Variants in GPHN observed in about 807,000 individuals in gnomAD.
GPHN encodes gephyrin.
GPHN carries 17 observed loss-of-function variants against 95.5 expected under a neutral mutation model. The ratio of observed to expected loss-of-function variants is 0.18; its 90% CI spans 0.12 to 0.27. GPHN has a LOEUF of 0.27. GPHN is among the 10% of genes least tolerant of loss of function. The pLI is 1.00. For missense variants in GPHN, 660 were observed against 978.1 expected, an observed-to-expected ratio of 0.67 and a Z score of 4.34; for synonymous variants, 320 against 322.5, an observed-to-expected ratio of 0.99 and a Z score of 0.08.
chr14:67,338,036 A>G, the GPHN span: 1 of 152,302 alleles, frequency 6.6e-6, no homozygotes, highest in Non-Finnish European at 1.5e-5. Context: ...GCATGAGAAC[A>G]TGACTTAACA....
chr14:67,158,620 G>A (rs1263753835), intron 18 of GPHN, among the ~76,000 whole-genome samples: 1 of 152,126 alleles, frequency 6.6e-6, no homozygotes, highest in East Asian at 1.9e-4. Context: ...TTTAGTAATA[G>A]ACCTAGGTTT....
At chr14:67,313,792 T>C in the GPHN span, among the ~76,000 whole-genome samples, 6 of 152,146 alleles carry the variant, frequency 3.9e-5, no homozygotes, top group African/African-American at 1.4e-4. Flanking sequence ...TTTTCTTCTG[T>C]GTCCCCTACT....
chr14:66,676,672 A>ATTTTTTTTTTTTTTTTTTTTTT (rs56906168), intron 1 of GPHN, among the ~76,000 whole-genome samples: 1 of 126,080 alleles, frequency 7.9e-6, no homozygotes, highest in Non-Finnish European at 1.7e-5. Context: ...ATCGTAGTGT[A>ATTTTTTTTTTTTTTTTTTTTTT]TTTTTTTTTT....
intron 8 of GPHN, among the ~76,000 whole-genome samples, chr14:66,932,937 T>C (rs528533538): frequency 1.3e-5 from 2 of 152,300 alleles, no homozygotes; most frequent in Admixed American, 1.3e-4. Flanking sequence ...AGTTAATTAT[T>C]AGGGTTTAAT....
chr14:67,178,713 G>C (rs1327876624), intron 21 of GPHN, among the ~76,000 whole-genome samples: 1 of 152,264 alleles, frequency 6.6e-6, no homozygotes, highest in East Asian at 1.9e-4. Flanking sequence ...GAGAGATATA[G>C]ACATCCAGAT....
chr14:66,736,409 T>G (rs947260833), intron 2 of GPHN, among the ~76,000 whole-genome samples: 2 of 151,038 alleles, frequency 1.3e-5, no homozygotes, highest in Non-Finnish European at 3.0e-5. Context: ...TTTCTTTTTT[T>G]TTTTTTGAGA....
At chr14:67,645,979 C>T in the GPHN span, among the ~76,000 whole-genome samples, 1 of 152,160 alleles carries the variant, frequency 6.6e-6, no homozygotes, top group Non-Finnish European at 1.5e-5. Flanking sequence ...AAAGACTAGA[C>T]ATAGTCTCTG....
chr14:67,651,182 G>C, the GPHN span: 1 of 1,029,924 alleles, frequency 9.7e-7, no homozygotes, highest in African/African-American at 1.6e-5. Context: ...TTATTACCTT[G>C]GTATATCATA....
chr14:66,608,671 T>G (rs1419929215), intron 1 of GPHN, among the ~76,000 whole-genome samples: 1 of 152,134 alleles, frequency 6.6e-6, no homozygotes, highest in Non-Finnish European at 1.5e-5. Flanking sequence ...GATGCTCCAA[T>G]GTTGGGTGTG....
chr14:67,651,997 T>C, the GPHN span, among the ~76,000 whole-genome samples: 3 of 152,258 alleles, frequency 2.0e-5, no homozygotes, highest in African/African-American at 7.2e-5. Context: ...ATCCAACCTC[T>C]GGTTCTCATG....
intron 1 of GPHN, among the ~76,000 whole-genome samples, chr14:66,680,212 G>T (rs571835746): frequency 7.2e-5 from 11 of 152,278 alleles, no homozygotes; most frequent in African/African-American, 2.6e-4. Context: ...CTGTAAAATT[G>T]TTGGAGATTT....
At chr14:66,835,049 G>A (rs868741336) in intron 4 of GPHN, among the ~76,000 whole-genome samples, 1 of 150,804 alleles carries the variant, frequency 6.6e-6, no homozygotes, top group East Asian at 1.9e-4. Flanking sequence ...GCGTAGAGGT[G>A]TTTGTAGTAT....
chr14:67,333,064 A>G, the GPHN span: 5 of 969,906 alleles, frequency 5.2e-6, no homozygotes, highest in Non-Finnish European at 4.6e-6. Context: ...AGGCAGCAGT[A>G]TAAGCTGTAG....
At chr14:67,694,933 C>T in the GPHN span, among the ~76,000 whole-genome samples, 6 of 152,222 alleles carry the variant, frequency 3.9e-5, no homozygotes, top group Admixed American at 3.9e-4. Flanking sequence ...GTTTTACAGC[C>T]CGCTGCTGAT....
At chr14:66,816,104 A>T (rs1405498995) in intron 3 of GPHN, among the ~76,000 whole-genome samples, 1 of 152,206 alleles carries the variant, frequency 6.6e-6, no homozygotes, top group Non-Finnish European at 1.5e-5. Context: ...CAACAAGAAG[A>T]TCTAAATATC....
At chr14:66,978,401 T>C (rs2070408042) in intron 9 of GPHN, among the ~76,000 whole-genome samples, 1 of 152,236 alleles carries the variant, frequency 6.6e-6, no homozygotes, top group Non-Finnish European at 1.5e-5. Flanking sequence ...CTGCTGCTGC[T>C]TAATCAAGTT....
In GPHN at chr14:66,765,077, A is replaced by G. The variant is rs1239789800; in HGVS notation, c.144-11387A>G. 3.3e-5 allele frequency among the ~76,000 whole-genome samples: 5 copies of G among 152,346 alleles called. No homozygotes were observed. The East Asian group carries it at 7.7e-4, about 23-fold the overall frequency. Reference sequence around the variant, plus strand: ...TTAATCTTTTAGAAATCTGTTGATTATCTTTGAGTAAAAAGAACAGAAGGG... The same window carrying G: ...TTAATCTTTTAGAAATCTGTTGATTGTCTTTGAGTAAAAAGAACAGAAGGG... On this transcript the variant is annotated intron_variant, in intron 2 of 22. Coordinates refer to ENST00000478722, the MANE Select transcript of GPHN (RefSeq NM_020806.5).
the GPHN span, among the ~76,000 whole-genome samples, chr14:67,518,870 C>T: frequency 1.3e-5 from 2 of 152,022 alleles, no homozygotes; most frequent in African/African-American, 2.4e-5. Context: ...CAGAAAGGGT[C>T]TAGGAGGGAG....
Position 66,624,480 on chromosome 14 carries a change from G to T in GPHN, c.65-56627G>T, listed in dbSNP as rs908015664. On this transcript the variant is annotated intron_variant, in intron 1 of 22. Transcript: ENST00000478722. ...TCTATTAAATAAACGGTTGGGTCTG[G>T]TTCTCTGATAGCTTAAGTGAAAAGC... is the stretch of plus-strand genomic sequence containing the variant. Among the ~76,000 whole-genome samples, 4 of 152,166 alleles carry T rather than the reference G, an allele frequency of 2.6e-5. 1 individual carries two copies. The highest frequency in any genetic ancestry group is 5.9e-5 in the Non-Finnish European group (4 of 68,040).
Sources: allele counts gnomAD v4.1 joint callset (sites outside exome capture counted in the v4.1 genomes callset), GRCh38; gene constraint gnomAD v4.1.1; transcripts MANE v1.5; gene names NCBI Gene and HGNC (gene_info 2026-07-23, HGNC 2026-07-21).